Variants in RALGAPB observed in about 807,000 individuals in gnomAD.
RALGAPB encodes the protein ral GTPase-activating protein subunit beta.
A neutral mutation model predicts 161.1 loss-of-function variants in RALGAPB; 25 were observed. That is an observed-to-expected ratio of 0.16 (90% CI 0.11 to 0.22). RALGAPB has a LOEUF of 0.22. RALGAPB is among the 10% of genes least tolerant of loss of function. RALGAPB has a pLI of 1.00. For missense variants in RALGAPB, 1,391 were observed against 1,815.2 expected (o/e 0.77, Z 4.25); for synonymous variants, 629 against 626.1 (o/e 1.00, Z -0.07).
In RALGAPB at chr20:38,472,900, C is replaced by T. The variant is rs1469491437; in HGVS notation, c.-200C>T. 1.5e-5 allele frequency: 6 copies of T among 398,956 alleles called. No homozygotes were observed. The highest frequency in any genetic ancestry group is 6.2e-5 in the African/African-American group (3 of 48,760). The allele number at this position is 398,956 out of a possible 1,614,324, so 24.7% of individuals were successfully genotyped here. A position where few individuals can be genotyped will look rare whatever the true frequency, so the allele number is the denominator to read the frequency against. On this transcript the variant is annotated 5_prime_UTR_variant, in exon 1 of 30. Coordinates refer to ENST00000262879, the MANE Select transcript of RALGAPB (RefSeq NM_020336.4). ...CTGGCTCGAGTGGCCTTCGTCGTCC[C>T]TTGGCGCCCTGGGAGAGTCGCTGAC...
intron 26 of RALGAPB, chr20:38,569,305 A>G (rs1033403984): frequency 1.3e-5 from 2 of 152,360 alleles, no homozygotes; most frequent in African/African-American, 4.9e-5. Context: ...GGGGAGCCAC[A>G]TAGTCCTGTT....
At chr20:38,547,066 C>G (rs2087191211) in intron 19 of RALGAPB, 1 of 152,442 alleles carries the variant, frequency 6.6e-6, no homozygotes, top group Non-Finnish European at 1.5e-5. Context: ...TTGCTGCCAC[C>G]ATAGTATTCA....
At chr20:38,499,740 C>A (rs2085523470) in intron 5 of RALGAPB, 107 bp downstream of exon 5, 3 of 1,081,094 alleles carry the variant, frequency 2.8e-6, no homozygotes, top group Non-Finnish European at 2.5e-6. Flanking sequence ...TATTACTGTA[C>A]TTTAGATACA....
intron 5 of RALGAPB, among the ~76,000 whole-genome samples, chr20:38,501,475 C>T (rs1009388687): frequency 3.9e-5 from 6 of 152,102 alleles, no homozygotes; most frequent in Admixed American, 2.0e-4. Context: ...TGGTGGCTTG[C>T]GCCTGTAGAA....
chr20:38,535,273 C>T (rs539855608), intron 16 of RALGAPB, 66 bp downstream of exon 16: 2 of 1,537,162 alleles, frequency 1.3e-6, no homozygotes, highest in Non-Finnish European at 1.8e-6. Context: ...TTCTGTATCT[C>T]TTAACCCCTT....
At chr20:38,521,378 G>A (rs1463742325) in intron 9 of RALGAPB, 119 bp from the exon 10 acceptor site, 2 of 1,462,304 alleles carry the variant, frequency 1.4e-6, no homozygotes, top group Non-Finnish European at 1.8e-6. Context: ...CTAAACAAAA[G>A]CACTTATTGG....
chr20:38,564,302 A>G (rs1406000471), intron 24 of RALGAPB, among the ~76,000 whole-genome samples: 2 of 152,234 alleles, frequency 1.3e-5, no homozygotes, highest in African/African-American at 2.4e-5. Flanking sequence ...CTTTCATGCT[A>G]CAATGACAGA....
In RALGAPB at chr20:38,531,157, G is replaced by A. The variant is rs1306642856; in HGVS notation, c.2051-10G>A. ...ATTTTATATAAAATACTGTTTTATTGTTGTTGTAGGGGCAATGTTAAATAT... is the reference window on the plus strand; with the variant it reads ...ATTTTATATAAAATACTGTTTTATTATTGTTGTAGGGGCAATGTTAAATAT... On this transcript the variant is annotated splice_polypyrimidine_tract_variant and intron_variant, in intron 13 of 29. Coordinates refer to ENST00000262879, the MANE Select transcript of RALGAPB (RefSeq NM_020336.4). The A allele has an allele frequency of 1.9e-6, 3 of 1,595,744 alleles. No homozygotes were observed. The highest frequency in any genetic ancestry group is 2.7e-5 in the African/African-American group (2 of 74,448).
Position 38,477,794 on chromosome 20 carries a change from T to A in RALGAPB, c.-31+4725T>A, listed in dbSNP as rs564886836. Among the ~76,000 whole-genome samples the A allele has an allele frequency of 1.5e-4, 23 of 152,278 alleles. No individual in the cohort carries two copies. The East Asian group carries it at 3.9e-3, about 26-fold the overall frequency. ...TCACTCTAGATAGGCACTGCAGGTA[T>A]TCTCCCTGTTTTACAGATGAGGAAA... On this transcript the variant is annotated intron_variant, in intron 1 of 29. Transcript: ENST00000262879.
rs767765966 is a variant in RALGAPB, at chr20:38,497,416, G to C, written c.453G>C (p.Leu151=). The change falls in exon 4 of 30, where the codon CTG becomes CTC. Residue 151 remains leucine (L), a synonymous_variant. Transcript: ENST00000262879. ...AGGTCCTGAGAGCCATTCAGAAACT[G>C]GCCCGTGAGTCATCTCTCATGGCCC... The part of the protein sequence containing the change: ...CLQVLRAIQK[L]ARESSLMARE... 19 of 1,613,870 alleles carry C rather than the reference G, an allele frequency of 1.2e-5. No homozygotes were observed. In the African/African-American group the frequency reaches 2.4e-4, roughly 20 times the overall value.
At chr20:38,560,219 T>G (rs577947877) in intron 23 of RALGAPB, among the ~76,000 whole-genome samples, 2 of 152,184 alleles carry the variant, frequency 1.3e-5, no homozygotes, top group African/African-American at 4.8e-5. Flanking sequence ...AACTACTGCA[T>G]AGAAGGGAAG....
intron 23 of RALGAPB, among the ~76,000 whole-genome samples, chr20:38,559,257 C>T (rs1186434837): frequency 1.3e-5 from 2 of 152,340 alleles, no homozygotes; most frequent in African/African-American, 4.8e-5. Flanking sequence ...TTCCCTGTGG[C>T]TCAGCATCCC....
At chr20:38,491,047 C>T (rs1236719580) in intron 2 of RALGAPB, among the ~76,000 whole-genome samples, 2 of 152,234 alleles carry the variant, frequency 1.3e-5, no homozygotes, top group African/African-American at 4.8e-5. Context: ...AGAATCTCTT[C>T]TCTTATGTGG....
chr20:38,543,291 T>G (rs1258960948), intron 18 of RALGAPB, among the ~76,000 whole-genome samples: 1 of 152,258 alleles, frequency 6.6e-6, no homozygotes, highest in Non-Finnish European at 1.5e-5. Context: ...ACTTTGGCTG[T>G]TTCTCTGATT....
Position 38,497,424 on chromosome 20 carries a change from A to C in RALGAPB, c.461A>C (p.Glu154Ala). Reference protein sequence around the residue: ...VLRAIQKLARESSLMARETWE... With the variant: ...VLRAIQKLARASSLMARETWE... ...AGAGCCATTCAGAAACTGGCCCGTG[A>C]GTCATCTCTCATGGCCCGAGAAACT... Residue 154 changes from glutamate (E) to alanine (A), a missense_variant, in exon 4 of 30, where the codon GAG becomes GCG. Physicochemically the swap from Glu to Ala is moderately radical, Grantham distance 107. Transcript: ENST00000262879. 6.2e-7 allele frequency: 1 copy of C among 1,613,748 alleles called. No homozygotes were observed. The highest frequency in any genetic ancestry group is 8.5e-7 in the Non-Finnish European group (1 of 1,179,662).
chr20:38,541,312 A>C (rs2086956983), intron 18 of RALGAPB, 120 bp downstream of exon 18: 2 of 1,002,534 alleles, frequency 2.0e-6, no homozygotes, highest in Non-Finnish European at 2.7e-6. Context: ...TTTAGAATAT[A>C]CTTTTTCTCC....
chr20:38,508,058 G>T (rs1056032021), intron 5 of RALGAPB, among the ~76,000 whole-genome samples: 2 of 151,220 alleles, frequency 1.3e-5, no homozygotes, highest in Non-Finnish European at 2.9e-5. Context: ...TAGTTATATG[G>T]CAGAAATTTG....
At chr20:38,518,459 G>A (rs1243509316) in intron 9 of RALGAPB, among the ~76,000 whole-genome samples, 1 of 152,102 alleles carries the variant, frequency 6.6e-6, no homozygotes, top group Non-Finnish European at 1.5e-5. Flanking sequence ...TCAAATTTTA[G>A]TCTAGAGAAC....
At chr20:38,506,608 A>T (rs996467003) in intron 5 of RALGAPB, among the ~76,000 whole-genome samples, 5 of 151,882 alleles carry the variant, frequency 3.3e-5, no homozygotes, top group South Asian at 2.1e-4. Flanking sequence ...TTTCTGCTTT[A>T]TTTTTCTTTG....
Sources: allele counts gnomAD v4.1 joint callset (sites outside exome capture counted in the v4.1 genomes callset), GRCh38; gene constraint gnomAD v4.1.1; transcripts MANE v1.5; gene names NCBI Gene and HGNC (gene_info 2026-07-23, HGNC 2026-07-21).